Variants in KCNQ1 observed in about 807,000 individuals in gnomAD.
KCNQ1 encodes the protein potassium voltage-gated channel subfamily KQT member 1.
In KCNQ1, 49 loss-of-function variants were observed where a neutral mutation model predicts 72.4. That is an observed-to-expected ratio of 0.68 (90% confidence interval 0.54 to 0.86). The LOEUF (loss-of-function observed/expected upper bound fraction) is 0.86, where lower values mean the gene tolerates loss of function less well. Among genes scored for constraint, KCNQ1 ranks in the 40% least tolerant of loss-of-function variants. The pLI, the probability that KCNQ1 is intolerant of heterozygous loss-of-function variation, is 0.00. For synonymous variants in KCNQ1, 450 were observed against 412.6 expected (o/e 1.09, Z -1.10); for missense variants, 790 against 945.1 (o/e 0.84, Z 2.15).
chr11:2,578,787 G>A (rs751203870), intron 6 of KCNQ1, among the ~76,000 whole-genome samples: 1 of 152,258 alleles, frequency 6.6e-6, no homozygotes, highest in African/African-American at 2.4e-5. Context: ...GGGCAAGGTC[G>A]GGGCCTGCAA....
At chr11:2,500,044 G>A (rs1470377713) in intron 1 of KCNQ1, among the ~76,000 whole-genome samples, 3 of 152,164 alleles carry the variant, frequency 2.0e-5, no homozygotes, top group Non-Finnish European at 4.4e-5. Context: ...CATACACATA[G>A]TAATTAAACA....
chr11:2,630,086 C>T (rs1849328727), intron 10 of KCNQ1: 2 of 398,204 alleles, frequency 5.0e-6, no homozygotes, highest in Admixed American at 8.8e-5. Context: ...TGTTGCAGTA[C>T]ATTCCTTCTA....
At chr11:2,461,066 CA>C (rs1321934656) in intron 1 of KCNQ1, among the ~76,000 whole-genome samples, 1 of 152,184 alleles carries the variant, frequency 6.6e-6, no homozygotes, top group African/African-American at 2.4e-5. Flanking sequence ...ATCTGTGAGC[CA>C]ATGGCCGTGG....
intron 10 of KCNQ1, chr11:2,643,360 T>C (rs971859284): frequency 1.5e-5 from 6 of 398,340 alleles, no homozygotes; most frequent in African/African-American, 4.1e-5. Context: ...CATATATGTT[T>C]AGAATTGTTA....
rs794728562 is a variant in KCNQ1 at position 2,776,984 on chromosome 11, AG to A, written c.1686del. ...AACTGGTGTCTGTGTCCTTCTCTCC[AG>A]GCTGGACCAGTCCATTGGGAAGCCC... On this transcript the variant is annotated splice_acceptor_variant, in intron 13 of 15. Transcript: ENST00000155840. LOFTEE classifies it high-confidence loss of function. The A allele has an allele frequency of 6.2e-7, 1 of 1,614,038 alleles. No homozygotes were observed. Among genetic ancestry groups the A allele is most frequent in the Non-Finnish European group, 8.5e-7 (1 of 1,179,946 alleles).
At chr11:2,727,734 G>T (rs768903220) in intron 11 of KCNQ1, among the ~76,000 whole-genome samples, 1 of 152,136 alleles carries the variant, frequency 6.6e-6, no homozygotes, top group Admixed American at 6.5e-5. Context: ...ATGGAGAAGG[G>T]CTGTATGCAG....
Position 2,571,639 on chromosome 11 carries a change from C to T in KCNQ1, c.683+236C>T, listed in dbSNP as rs562813017. On this transcript the variant is annotated intron_variant, in intron 4 of 15. Coordinates refer to ENST00000155840, the MANE Select transcript of KCNQ1 (RefSeq NM_000218.3). ...CAGGCAGCCCTAGGCTCTGGCCCAG[C>T]ACTAGCGCCTCTGAACTTCCAGGAC... Among the ~76,000 whole-genome samples the T allele has an allele frequency of 1.9e-4, 29 of 152,282 alleles. 1 individual carries two copies. The East Asian group carries it at 1.9e-3, about 10-fold the overall frequency.
At chr11:2,649,473 A>G (rs1435447390) in intron 10 of KCNQ1, 5 of 398,396 alleles carry the variant, frequency 1.3e-5, no homozygotes, top group Admixed American at 8.8e-5. Context: ...CTGATTTAGT[A>G]GTAATGAATT....
intron 2 of KCNQ1, among the ~76,000 whole-genome samples, chr11:2,569,499 G>A (rs976224080): frequency 1.3e-5 from 2 of 152,230 alleles, no homozygotes; most frequent in African/African-American, 4.8e-5. Flanking sequence ...AGTGGGAGCA[G>A]AAGTCCCCTC....
intron 12 of KCNQ1, among the ~76,000 whole-genome samples, chr11:2,771,900 C>T (rs1021907070): frequency 1.3e-5 from 2 of 152,190 alleles, no homozygotes; most frequent in Non-Finnish European, 2.9e-5. Context: ...GGCCGGGACC[C>T]TGAGAATGGC....
rs1345089396 is a variant in KCNQ1, at chr11:2,592,385, A to C, written c.1393+3531A>C. ...GTCCCCCATGGTAGCATCAGAACAC[A>C]GACTAACCTGCAGCAAAAATGGGCT... On this transcript the variant is annotated intron_variant, in intron 10 of 15. Coordinates refer to ENST00000155840, the MANE Select transcript of KCNQ1 (RefSeq NM_000218.3). This position sits in a 1 kb window ranked among gnomAD's most constrained non-coding sequence, Gnocchi z 5.2. 6.6e-6 allele frequency among the ~76,000 whole-genome samples: 1 copy of C among 152,174 alleles called. No individual in the cohort carries two copies. The highest frequency in any genetic ancestry group is 1.5e-5 in the Non-Finnish European group (1 of 68,012).
intron 11 of KCNQ1, chr11:2,665,103 C>T (rs1008764484): frequency 1.1e-4 from 42 of 398,346 alleles, no homozygotes; most frequent in Non-Finnish European, 1.5e-4. Context: ...TAAAGAGTGG[C>T]GTCGCTGCAC....
rs1375339414 is a variant in KCNQ1, at chr11:2,508,239, C to T, written c.387-19689C>T. Among the ~76,000 whole-genome samples the T allele has an allele frequency of 6.6e-6, 1 of 152,208 alleles. No homozygotes were observed. The highest frequency in any genetic ancestry group is 1.5e-5 in the Non-Finnish European group (1 of 68,038). On this transcript the variant is annotated intron_variant, in intron 1 of 15. Transcript: ENST00000155840. The surrounding 1 kb of genome is among the most constrained non-coding windows in gnomAD (Gnocchi z 6.2). ...ACAACCTCCACCAACCCATGGTGGT[C>T]ACCAAGGGTCTTTGGGCTCCTGTGG... is the stretch of plus-strand genomic sequence containing the variant.
chr11:2,763,247 G>T (rs1846437712), intron 11 of KCNQ1, among the ~76,000 whole-genome samples: 1 of 152,044 alleles, frequency 6.6e-6, no homozygotes, highest in Admixed American at 6.6e-5. Flanking sequence ...TTTCTGTGTA[G>T]CAGTCTTACA....
chr11:2,585,070 G>A (rs1848572631), intron 7 of KCNQ1, 142 bp from the exon 8 acceptor site: 1 of 753,806 alleles, frequency 1.3e-6, no homozygotes, highest in African/African-American at 1.7e-5. Context: ...AGGCAGGCTG[G>A]GCCCGAGGTG....
Position 2,642,485 on chromosome 11 carries a change from T to G in KCNQ1, c.1394-19476T>G, listed in dbSNP as rs1849594787. The G allele has an allele frequency of 5.0e-6, 2 of 397,976 alleles. No individual in the cohort carries two copies. The highest frequency in any genetic ancestry group is 8.9e-6 in the Non-Finnish European group (2 of 225,758). The allele number at this position is 397,976 out of a possible 1,614,324, so 24.7% of individuals were successfully genotyped here. ...AATTTATTGATCAGACTGAAGAGTT[T>G]TGATTTTTGTATTTCATGGTATGAG... On this transcript the variant is annotated intron_variant, in intron 10 of 15. Transcript: ENST00000155840. This position sits in a 1 kb window ranked among gnomAD's most constrained non-coding sequence, Gnocchi z 4.3.
rs545880295 is a variant in KCNQ1 at position 2,686,289 on chromosome 11, C to CCAGACCA, written c.1514+24218_1514+24224dup. 3.8e-5 allele frequency: 15 copies of CCAGACCA among 398,738 alleles called. No individual in the cohort carries two copies. In the South Asian group the frequency reaches 1.7e-3, roughly 44 times the overall value. The allele number at this position is 398,738 out of a possible 1,614,324, so 24.7% of individuals were successfully genotyped here. Reference sequence around the variant, plus strand: ...CCAGTACTGCCACTGGCTTGGGAGGCCAGACCACAGACCACACTAGTGTCA... The same window carrying CCAGACCA: ...CCAGTACTGCCACTGGCTTGGGAGGCCAGACCACAGACCACAGACCACACTAGTGTCA... On this transcript the variant is annotated intron_variant, in intron 11 of 15. Coordinates refer to ENST00000155840, the MANE Select transcript of KCNQ1 (RefSeq NM_000218.3).
Position 2,627,558 on chromosome 11 carries a change from T to C in KCNQ1, c.1394-34403T>C, listed in dbSNP as rs947319303. On this transcript the variant is annotated intron_variant, in intron 10 of 15. Coordinates refer to ENST00000155840, the MANE Select transcript of KCNQ1 (RefSeq NM_000218.3). This position sits in a 1 kb window ranked among gnomAD's most constrained non-coding sequence, Gnocchi z 4.9. Reference sequence around the variant, plus strand: ...TAACTGGGATAGTGCAGTATTTGTCTTTCTGTGTCTGGCTATTTCACTTAG... The same window carrying C: ...TAACTGGGATAGTGCAGTATTTGTCCTTCTGTGTCTGGCTATTTCACTTAG... 4.8e-5 allele frequency: 19 copies of C among 398,608 alleles called. No homozygotes were observed. The highest frequency in any genetic ancestry group is 3.9e-4 in the African/African-American group (19 of 48,746). 24.7% of individuals were successfully genotyped at this position (398,608 alleles called of 1,614,324 possible). A position where few individuals can be genotyped will look rare whatever the true frequency, so the allele number is the denominator to read the frequency against.
rs1850167602 is a variant in KCNQ1, at chr11:2,670,687, A to G, written c.1514+8606A>G. Reference sequence around the variant, plus strand: ...GTAGGAAGGCAGTGTAGCAGTAACAAGACAAAGGGATTCTGTGGCCCATGG... The same window carrying G: ...GTAGGAAGGCAGTGTAGCAGTAACAGGACAAAGGGATTCTGTGGCCCATGG... On this transcript the variant is annotated intron_variant, in intron 11 of 15. Transcript: ENST00000155840. This position sits in a 1 kb window ranked among gnomAD's most constrained non-coding sequence, Gnocchi z 4.9. 5.0e-6 allele frequency: 2 copies of G among 398,648 alleles called. No individual in the cohort carries two copies. Among genetic ancestry groups the G allele is most frequent in the East Asian group, 7.1e-5 (2 of 28,086 alleles). 24.7% of individuals were successfully genotyped at this position (398,648 alleles called of 1,614,324 possible).
Sources: allele counts gnomAD v4.1 joint callset (sites outside exome capture counted in the v4.1 genomes callset), GRCh38; gene constraint gnomAD v4.1.1; non-coding constraint Gnocchi (gnomAD v3.1); transcripts MANE v1.5; gene names NCBI Gene and HGNC (gene_info 2026-07-23, HGNC 2026-07-21).